The following UBE3C variants were observed in gnomAD, a reference collection of about 807,000 sequenced individuals.
UBE3C encodes the protein ubiquitin-protein ligase E3C.
In UBE3C, 42 loss-of-function variants were observed where a neutral mutation model predicts 129.4. The observed-to-expected ratio is 0.32, with a 90% CI of 0.25 to 0.42. The LOEUF is 0.42. UBE3C is among the 10% of genes least tolerant of loss of function. UBE3C has a pLI of 1.00. For missense variants in UBE3C, 1,049 were observed against 1,319.1 expected (o/e 0.80, Z 3.17); for synonymous variants, 510 against 492.4 (o/e 1.04, Z -0.47).
In UBE3C at chr7:157,170,372, T is replaced by C; in HGVS notation, c.264T>C (p.Ile88=). 6.3e-7 allele frequency: 1 copy of C among 1,579,406 alleles called. No individual in the cohort carries two copies. Among genetic ancestry groups the C allele is most frequent in the Non-Finnish European group, 8.6e-7 (1 of 1,165,532 alleles). ...CACAGTCCGGGGGCGCTTTTCCCAT[T>C]GCTAATGGCCCCAACCTTACCCTTT... ...TLSQSGGAFP[I]ANGPNLTLLV... The change falls in exon 4 of 23, where the codon ATT becomes ATC. Residue 88 remains isoleucine, a synonymous_variant. Transcript: ENST00000348165.
chr7:157,237,352 A>G, intron 18 of UBE3C, among the ~76,000 whole-genome samples: 2 of 151,852 alleles, frequency 1.3e-5, no homozygotes, highest in Admixed American at 6.6e-5. Context: ...GAGGCAGGAG[A>G]ATGGCGTGAA....
At chr7:157,165,393 T>C (rs1036538120) in intron 2 of UBE3C, among the ~76,000 whole-genome samples, 4 of 144,590 alleles carry the variant, frequency 2.8e-5, no homozygotes, top group African/African-American at 5.4e-5. Context: ...CTCTTTAGCA[T>C]TGACTTTTTT....
intron 10 of UBE3C, among the ~76,000 whole-genome samples, chr7:157,195,729 CTT>C (rs1021074891): frequency 3.9e-5 from 6 of 152,114 alleles, no homozygotes; most frequent in Non-Finnish European, 8.8e-5. Flanking sequence ...AGATTTGAGA[CTT>C]TTGAGTTGGT....
intron 17 of UBE3C, among the ~76,000 whole-genome samples, chr7:157,228,312 C>T (rs1234155966): frequency 3.3e-5 from 5 of 152,214 alleles, no homozygotes; most frequent in Admixed American, 1.3e-4. Flanking sequence ...GCCTGCACTG[C>T]ACTACCTTGT....
chr7:157,200,855 A>G lies in UBE3C; in HGVS notation c.1332-866A>G, dbSNP rs191107618. Among the ~76,000 whole-genome samples, 54 of 152,260 alleles carry G rather than the reference A, an allele frequency of 3.5e-4. No homozygotes were observed. The East Asian group carries it at 7.9e-3, about 22-fold the overall frequency. ...GGTCTCAAACTCCTAGGCTGAAGCA[A>G]TCTGCCTCCTTTGGCCTCCCAAAGT... On this transcript the variant is annotated intron_variant, in intron 10 of 22. Coordinates refer to ENST00000348165, the MANE Select transcript of UBE3C (RefSeq NM_014671.3).
chr7:157,143,080 G>A (rs1807502182), intron 1 of UBE3C, among the ~76,000 whole-genome samples: 1 of 151,852 alleles, frequency 6.6e-6, no homozygotes, highest in South Asian at 2.1e-4. Context: ...TCGGTCGGGC[G>A]GGTCTCGAAC....
intron 18 of UBE3C, among the ~76,000 whole-genome samples, chr7:157,239,116 C>T (rs1051172153): frequency 4.6e-5 from 7 of 152,148 alleles, no homozygotes. Context: ...CATCATATCA[C>T]AAGAGAAATG....
In UBE3C at chr7:157,268,659, T is replaced by G. The variant is rs1435689003; in HGVS notation, c.*904T>G. The G allele has an allele frequency of 2.6e-5, 4 of 152,738 alleles. No homozygotes were observed. The highest frequency in any genetic ancestry group is 4.4e-5 in the Non-Finnish European group (3 of 68,086). The allele number at this position is 152,738 out of a possible 1,614,324, so 9.5% of individuals were successfully genotyped here. A position where few individuals can be genotyped will look rare whatever the true frequency, so the allele number is the denominator to read the frequency against. ...CCGCTCGCCCTCCTTTCCCCTGGGC[T>G]GCGCCCACTTGTCTTCCTGGATATT... On this transcript the variant is annotated 3_prime_UTR_variant, in exon 23 of 23. Coordinates refer to ENST00000348165, the MANE Select transcript of UBE3C (RefSeq NM_014671.3).
chr7:157,163,973 C>T (rs1563034930), intron 2 of UBE3C, 110 bp downstream of exon 2: 2 of 1,001,304 alleles, frequency 2.0e-6, no homozygotes, highest in Non-Finnish European at 3.0e-6. Flanking sequence ...TTATATATGA[C>T]AGAATGTGTG....
chr7:157,213,136 T>A (rs1431110435), intron 13 of UBE3C, among the ~76,000 whole-genome samples: 1 of 152,256 alleles, frequency 6.6e-6, no homozygotes, highest in Non-Finnish European at 1.5e-5. Flanking sequence ...AACGTTTTGA[T>A]CTGGCGTGGA....
intron 1 of UBE3C, among the ~76,000 whole-genome samples, chr7:157,148,163 T>C (rs570529069): frequency 2.3e-4 from 35 of 152,148 alleles, no homozygotes; most frequent in Admixed American, 5.9e-4. Flanking sequence ...TGGAGTACAG[T>C]GGTGCGATCT....
chr7:157,246,251 T>A (rs933829300), intron 18 of UBE3C, among the ~76,000 whole-genome samples: 3 of 152,166 alleles, frequency 2.0e-5, no homozygotes, highest in Non-Finnish European at 4.4e-5. Flanking sequence ...AAGTAGATTA[T>A]TACTAAATAC....
chr7:157,176,261 C>CT (rs1370090484), intron 5 of UBE3C, among the ~76,000 whole-genome samples: 6 of 151,992 alleles, frequency 3.9e-5, no homozygotes, highest in African/African-American at 7.2e-5. Flanking sequence ...GACCATGTTT[C>CT]TTTTTTTATT....
chr7:157,198,130 CT>C, intron 10 of UBE3C: 2 of 1,612,808 alleles, frequency 1.2e-6, no homozygotes. Flanking sequence ...TCTCCATCAT[CT>C]AAACTGAAAC....
chr7:157,209,150 T>C (rs1466914357), intron 13 of UBE3C, among the ~76,000 whole-genome samples: 1 of 152,204 alleles, frequency 6.6e-6, no homozygotes, highest in Non-Finnish European at 1.5e-5. Flanking sequence ...GAAGGGCCCA[T>C]TAATGCTTGC....
rs1797062287 is a variant in UBE3C, at chr7:157,265,818, A to G, written c.3082-1767A>G. Among the ~76,000 whole-genome samples the G allele has an allele frequency of 4.6e-5, 7 of 152,362 alleles. No individual in the cohort carries two copies. The South Asian group carries it at 1.4e-3, about 32-fold the overall frequency. ...TGGGAATGGGAACTGGGTATCTGTG[A>G]TACAGGGATGAGAATTTTCACACTG... On this transcript the variant is annotated intron_variant, in intron 22 of 22. Coordinates refer to ENST00000348165, the MANE Select transcript of UBE3C (RefSeq NM_014671.3).
At chr7:157,139,894 A>G in intron 1 of UBE3C, 1 of 597,382 alleles carries the variant, frequency 1.7e-6, no homozygotes, top group Middle Eastern at 8.4e-4. Flanking sequence ...TAGAGGCAGA[A>G]CGTCTCATGA....
At chr7:157,206,611 CAG>C (rs773281850) in intron 11 of UBE3C, among the ~76,000 whole-genome samples, 54 of 150,822 alleles carry the variant, frequency 3.6e-4, no homozygotes, top group Non-Finnish European at 3.0e-4. Flanking sequence ...TTCTTTGAAA[CAG>C]AGTCTGGCTC....
chr7:157,210,675 T>C (rs997702966), intron 13 of UBE3C, among the ~76,000 whole-genome samples: 2 of 152,212 alleles, frequency 1.3e-5, no homozygotes, highest in Non-Finnish European at 1.5e-5. Flanking sequence ...CAAATTTGAG[T>C]TGAAGAATTC....
Sources: gnomAD v4.1 joint callset for allele counts (sites outside exome capture counted in the v4.1 genomes callset) on GRCh38, gnomAD v4.1.1 for gene constraint, MANE v1.5 for transcripts, NCBI Gene and HGNC (gene_info 2026-07-23, HGNC 2026-07-21) for gene names.